Variants in ABCC1 observed in about 807,000 individuals in gnomAD.
ABCC1 encodes the protein multidrug resistance-associated protein 1.
In ABCC1, 83 loss-of-function variants were observed where a neutral mutation model predicts 172.9. The observed-to-expected ratio is 0.48, with a 90% CI of 0.40 to 0.58. The LOEUF is 0.58. Ranked by LOEUF, ABCC1 falls within the 20% of genes least tolerant of loss-of-function variation. The probability of loss-of-function intolerance (pLI) is 0.00; values close to 1 mark genes in which losing one functional copy is unlikely to be tolerated. For synonymous variants in ABCC1, 937 were observed against 825.2 expected (o/e 1.14, Z -2.32); for missense variants, 1,817 against 2,002.7 (o/e 0.91, Z 1.77).
At chr16:16,051,609 T>C (rs151308843) in intron 10 of ABCC1, among the ~76,000 whole-genome samples, 311 of 152,250 alleles carry the variant, frequency 2.0e-3, no homozygotes, top group African/African-American at 7.3e-3. Flanking sequence ...GCAACCATGA[T>C]GATTATGTGT....
chr16:16,050,952 T>G (rs2049406313), intron 10 of ABCC1, among the ~76,000 whole-genome samples: 1 of 152,024 alleles, frequency 6.6e-6, no homozygotes, highest in South Asian at 2.1e-4. Flanking sequence ...GCAGGTGTCT[T>G]GGGGAGTCCA....
At chr16:16,048,442 C>T in intron 10 of ABCC1, 139 bp downstream of exon 10, 5 of 1,055,716 alleles carry the variant, frequency 4.7e-6, no homozygotes, top group Non-Finnish European at 6.8e-6. Flanking sequence ...TTTTATTTTC[C>T]AGCCTGTTAA....
intron 1 of ABCC1, among the ~76,000 whole-genome samples, chr16:15,962,298 A>G (rs1373309795): frequency 6.6e-6 from 1 of 152,238 alleles, no homozygotes; most frequent in Non-Finnish European, 1.5e-5. Context: ...TTGCTTTTAA[A>G]TCAATAATTT....
At chr16:15,969,830 A>G (rs1215990714) in intron 1 of ABCC1, among the ~76,000 whole-genome samples, 4 of 152,038 alleles carry the variant, frequency 2.6e-5, no homozygotes, top group Non-Finnish European at 5.9e-5. Flanking sequence ...CCATGGCCTG[A>G]CTGGTCCCAT....
rs768186162 is a variant in ABCC1, at chr16:16,076,333, C to T, written c.1920C>T (p.Gly640=). ...TGTCTCTGTGCTTTGTAGGCGGGGG[C>T]ACGAACAGCATCACCGTGAGGAATG... is the stretch of plus-strand genomic sequence containing the variant. ...IERRPVKDGG[G]TNSITVRNAT... is the part of the protein sequence containing the mutation. Residue 640 remains glycine (G), a synonymous_variant, in exon 15 of 31, where the codon GGC becomes GGT. Coordinates refer to ENST00000399410, the MANE Select transcript of ABCC1 (RefSeq NM_004996.4). The T allele has an allele frequency of 7.4e-6, 12 of 1,612,368 alleles. No homozygotes were observed. The highest frequency in any genetic ancestry group is 2.2e-5 in the South Asian group (2 of 90,584).
intron 1 of ABCC1, among the ~76,000 whole-genome samples, chr16:15,971,924 G>C (rs1209591045): frequency 6.6e-6 from 1 of 152,108 alleles, no homozygotes; most frequent in Non-Finnish European, 1.5e-5. Context: ...GGAGAAGGAA[G>C]AAGGTCCCCT....
chr16:16,129,115 T>C (rs993446821), intron 26 of ABCC1, among the ~76,000 whole-genome samples: 5 of 152,202 alleles, frequency 3.3e-5, no homozygotes, highest in African/African-American at 1.2e-4. Context: ...CCCAAAACTT[T>C]CCCGTGTGGA....
intron 5 of ABCC1, among the ~76,000 whole-genome samples, chr16:16,026,463 TC>T (rs2048374654): frequency 7.8e-5 from 9 of 115,130 alleles, no homozygotes; most frequent in African/African-American, 1.5e-4. Context: ...AAAGGCTATT[TC>T]CTTTTTTTTT....
chr16:15,976,064 G>T (rs1014166999), intron 1 of ABCC1, among the ~76,000 whole-genome samples: 4 of 151,824 alleles, frequency 2.6e-5, no homozygotes, highest in Non-Finnish European at 5.9e-5. Context: ...TCAGGAGTTC[G>T]AGACCAGCCT....
Position 16,130,179 on chromosome 16 carries a change from G to A in ABCC1, c.3820-1610G>A, listed in dbSNP as rs532019750. ...ATAATGAAAGGACCCTCCCACATGGGGTTGCTGTGAGGATTGGATGAGACA... is the reference window on the plus strand; with the variant it reads ...ATAATGAAAGGACCCTCCCACATGGAGTTGCTGTGAGGATTGGATGAGACA... On this transcript the variant is annotated intron_variant, in intron 26 of 30. Transcript: ENST00000399410. Among the ~76,000 whole-genome samples, 137 of 152,326 alleles carry A rather than the reference G, an allele frequency of 9.0e-4. 1 individual carries two copies. The South Asian group carries it at 0.011, about 12-fold the overall frequency.
chr16:16,105,204 C>T (rs2052024057), intron 20 of ABCC1, among the ~76,000 whole-genome samples: 1 of 152,180 alleles, frequency 6.6e-6, no homozygotes. Context: ...CTTACACAGC[C>T]TAAATTCTAG....
At chr16:15,952,628 G>C (rs1294611117) in intron 1 of ABCC1, among the ~76,000 whole-genome samples, 1 of 150,248 alleles carries the variant, frequency 6.7e-6, no homozygotes, top group African/African-American at 2.5e-5. Flanking sequence ...CTTTTCTCAT[G>C]GGGGTGGGAC....
chr16:16,120,555 G>A (rs998913938), intron 23 of ABCC1, among the ~76,000 whole-genome samples: 2 of 152,272 alleles, frequency 1.3e-5, no homozygotes, highest in Middle Eastern at 3.4e-3. Flanking sequence ...CTTGTGAAAC[G>A]TATCATCGTA....
intron 24 of ABCC1, among the ~76,000 whole-genome samples, chr16:16,124,457 T>C (rs868189847): frequency 6.8e-6 from 1 of 147,426 alleles, no homozygotes; most frequent in African/African-American, 2.5e-5. Context: ...GCCCGGCCTA[T>C]GTGTATGTAT....
chr16:15,995,708 C>T (rs532531308), intron 1 of ABCC1, among the ~76,000 whole-genome samples: 1 of 152,296 alleles, frequency 6.6e-6, no homozygotes, highest in Non-Finnish European at 1.5e-5. Context: ...CAGTCTTTCA[C>T]CTAGGCTGGA....
At chr16:15,993,752 G>T (rs527973279) in intron 1 of ABCC1, among the ~76,000 whole-genome samples, 1 of 151,504 alleles carries the variant, frequency 6.6e-6, no homozygotes, top group Non-Finnish European at 1.5e-5. Flanking sequence ...GCTCACATGC[G>T]GGGGTGGGTG....
intron 19 of ABCC1, chr16:16,094,325 T>A: frequency 3.8e-6 from 1 of 260,132 alleles, no homozygotes; most frequent in South Asian, 4.6e-5. Flanking sequence ...GCAGCAGAAA[T>A]TCAGTGCTCT....
At chr16:16,084,402 C>T (rs1191437940) in intron 17 of ABCC1, among the ~76,000 whole-genome samples, 20 of 141,978 alleles carry the variant, frequency 1.4e-4, no homozygotes, top group Non-Finnish European at 9.1e-5. Context: ...CTCTCTCTGT[C>T]GCCCAGGCTA....
intron 22 of ABCC1, among the ~76,000 whole-genome samples, chr16:16,114,553 C>T (rs1178560160): frequency 6.6e-6 from 1 of 152,066 alleles, no homozygotes; most frequent in East Asian, 1.9e-4. Context: ...GTTGGCCAGG[C>T]TGGTCTCGAT....
Sources: allele counts gnomAD v4.1 joint callset (sites outside exome capture counted in the v4.1 genomes callset), GRCh38; gene constraint gnomAD v4.1.1; transcripts MANE v1.5; gene names NCBI Gene and HGNC (gene_info 2026-07-23, HGNC 2026-07-21).